RECQL: variants seen among roughly 807,000 people sequenced by gnomAD.
The protein encoded by RECQL is RecQ like helicase.
Under a neutral mutation model 75.8 loss-of-function variants are expected in RECQL, and 73 were observed. That is an observed-to-expected ratio of 0.96 (90% CI 0.80 to 1.17). The LOEUF (loss-of-function observed/expected upper bound fraction) is 1.17, where lower values mean the gene tolerates loss of function less well. RECQL is among the 50% of genes most tolerant of loss of function. The pLI is 0.00. For missense variants in RECQL, 699 were observed against 772.1 expected, an observed-to-expected ratio of 0.91 and a Z score of 1.12; for synonymous variants, 248 against 254.4, an observed-to-expected ratio of 0.97 and a Z score of 0.24.
Position 21,475,773 on chromosome 12 carries a change from A to T in RECQL, c.1001T>A (p.Leu334Ter), listed in dbSNP as rs555369827. ...ACCTGCATGAATTCCCAGATTCTGC[A>T]AACTAACCGTAACTTGTTCAGAGTC... ...QKDSEQVTVS[L>*]QNLGIHAGAY... Residue 334 changes from leucine (L) to a stop codon, truncating the protein, a stop_gained, in exon 9 of 15, where the codon TTG becomes TAG. Transcript: ENST00000444129. LOFTEE classifies it high-confidence loss of function. 1.9e-6 allele frequency: 3 copies of T among 1,613,322 alleles called. No individual in the cohort carries two copies. Among genetic ancestry groups the T allele is most frequent in the Admixed American group, 1.7e-5 (1 of 59,990 alleles).
intron 4 of RECQL, among the ~76,000 whole-genome samples, chr12:21,487,528 A>C (rs1215023292): frequency 6.6e-6 from 1 of 152,238 alleles, no homozygotes; most frequent in Admixed American, 6.5e-5. Flanking sequence ...TTCTTAAAAC[A>C]ACCTTTGGCA....
intron 10 of RECQL, 81 bp downstream of exon 10, chr12:21,475,387 A>G: frequency 1.2e-6 from 1 of 867,176 alleles, no homozygotes; most frequent in Non-Finnish European, 1.8e-6. Context: ...AAGATAAAAC[A>G]TACAGACTTA....
At chr12:21,493,188 C>A (rs1943444460) in intron 2 of RECQL, among the ~76,000 whole-genome samples, 1 of 152,158 alleles carries the variant, frequency 6.6e-6, no homozygotes. Context: ...GCTTTCTGAT[C>A]TGATTAGATT....
chr12:21,484,248 TAGAA>T (rs1456579235), intron 5 of RECQL, among the ~76,000 whole-genome samples: 1 of 152,100 alleles, frequency 6.6e-6, no homozygotes, highest in Non-Finnish European at 1.5e-5. Context: ...GTGAATGAGA[TAGAA>T]AGAGACAGTC....
rs1488554667 is a variant in RECQL at position 21,486,656 on chromosome 12, CGTTTTTTTT to C, written c.395-80_395-72del. The C allele has an allele frequency of 2.9e-4, 46 of 161,186 alleles. 2 individuals are homozygous for C. The highest frequency in any genetic ancestry group is 4.7e-4 in the African/African-American group (7 of 14,968). 10.0% of individuals were successfully genotyped at this position (161,186 alleles called of 1,614,324 possible). On this transcript the variant is annotated intron_variant, in intron 4 of 14. Transcript: ENST00000444129. The stretch of plus-strand genomic sequence containing the variant: ...CTCAGAATCAGATGCAAACCATTCA[CGTTTTTTTT>C]TTTTTTTTTTTTTTTTTTTTTTAGA...
chr12:21,491,577 A>C lies in RECQL; in HGVS notation c.156T>G (p.Asp52Glu), dbSNP rs370372327. ...ATTCATTGCTTGCCCCGGCATCAGA[A>C]TCCTCTAAACACTGCTTTATTTTCT... is the stretch of plus-strand genomic sequence containing the variant. ...LTKKIKQCLEDSDAGASNEYD... is the reference protein window; with the variant it reads ...LTKKIKQCLEESDAGASNEYD... The change falls in exon 3 of 15, where the codon GAT becomes GAG. Residue 52 changes from aspartate to glutamate, a missense_variant. Physicochemically the swap from Asp to Glu is conservative, Grantham distance 45. This residue lies in a region of RECQL where 669 missense variants were observed against 713.5 expected (regional missense o/e 0.94). Transcript: ENST00000444129. 2.0e-5 allele frequency: 33 copies of C among 1,612,968 alleles called. No individual in the cohort carries two copies. The highest frequency in any genetic ancestry group is 2.5e-5 in the Non-Finnish European group (29 of 1,179,864).
chr12:21,483,281 G>A lies in RECQL; in HGVS notation c.700+95C>T, dbSNP rs1943225535. The A allele has an allele frequency of 7.2e-6, 6 of 830,876 alleles. No homozygotes were observed. In the East Asian group the frequency reaches 1.6e-4, roughly 22 times the overall value. The allele number at this position is 830,876 out of a possible 1,614,324, so 51.5% of individuals were successfully genotyped here. A position where few individuals can be genotyped will look rare whatever the true frequency, so the allele number is the denominator to read the frequency against. On this transcript the variant is annotated intron_variant, in intron 6 of 14. Transcript: ENST00000444129. Reference sequence around the variant, plus strand: ...GATATTCAATGTGTAACTACTTGAGGATGATTTTAATAGAAGCAGAGATTT... The same window carrying A: ...GATATTCAATGTGTAACTACTTGAGAATGATTTTAATAGAAGCAGAGATTT...
At chr12:21,499,677 A>T (rs1042442082) in intron 1 of RECQL, 62 bp from the exon 2 acceptor site, 3 of 818,780 alleles carry the variant, frequency 3.7e-6, no homozygotes, top group Non-Finnish European at 6.0e-6. Flanking sequence ...AATGATGTTC[A>T]CTCAACAGTA....
chr12:21,481,484 G>A (rs1244209597), intron 6 of RECQL, among the ~76,000 whole-genome samples: 1 of 152,038 alleles, frequency 6.6e-6, no homozygotes, highest in Non-Finnish European at 1.5e-5. Flanking sequence ...AACCATTTAG[G>A]TTGAAAATAG....
intron 7 of RECQL, 53 bp from the exon 8 acceptor site, chr12:21,477,045 G>T: frequency 1.6e-6 from 2 of 1,279,124 alleles, no homozygotes. Flanking sequence ...CATCCAAGTG[G>T]CTGTCTATGT....
At chr12:21,472,887 A>G (rs1359952985) in intron 12 of RECQL, among the ~76,000 whole-genome samples, 3 of 152,154 alleles carry the variant, frequency 2.0e-5, no homozygotes, top group Non-Finnish European at 4.4e-5. Context: ...AGATTATCAC[A>G]TGGTTTCCCT....
At chr12:21,476,791 C>T (rs1371159333) in intron 8 of RECQL, 120 bp downstream of exon 8, 1 of 515,528 alleles carries the variant, frequency 1.9e-6, no homozygotes, top group African/African-American at 2.0e-5. Context: ...TTTCAAGTAT[C>T]TTCTGCTATA....
intron 1 of RECQL, among the ~76,000 whole-genome samples, chr12:21,499,971 A>G (rs1042780950): frequency 6.6e-6 from 1 of 152,242 alleles, no homozygotes; most frequent in African/African-American, 2.4e-5. Flanking sequence ...CAACAGGTCT[A>G]GCACCAATTG....
chr12:21,476,668 A>T (rs542498034), intron 8 of RECQL, among the ~76,000 whole-genome samples: 1 of 152,288 alleles, frequency 6.6e-6, no homozygotes, highest in African/African-American at 2.4e-5. Flanking sequence ...TCTATTCTAA[A>T]GCAAGTGTAA....
chr12:21,473,413 C>T (rs1387635001), intron 12 of RECQL, 138 bp downstream of exon 12: 2 of 665,470 alleles, frequency 3.0e-6, no homozygotes, highest in African/African-American at 3.6e-5. Context: ...GAGACTATAC[C>T]ATCTAGGTTT....
chr12:21,493,797 G>A (rs1323564535), intron 2 of RECQL, among the ~76,000 whole-genome samples: 2 of 152,106 alleles, frequency 1.3e-5, no homozygotes, highest in East Asian at 1.9e-4. Context: ...AGCCTCCTAA[G>A]AATCAGCCTC....
chr12:21,497,071 C>T (rs1421499611), intron 2 of RECQL, among the ~76,000 whole-genome samples: 1 of 152,188 alleles, frequency 6.6e-6, no homozygotes, highest in Non-Finnish European at 1.5e-5. Flanking sequence ...TTCTGGGTTG[C>T]TCCTGGGTCT....
intron 7 of RECQL, 74 bp from the exon 8 acceptor site, chr12:21,477,066 G>T (rs891990834): frequency 1.0e-6 from 1 of 955,822 alleles, no homozygotes. Context: ...ACAACTTTCA[G>T]GATGCAGTTC....
At chr12:21,473,482 G>C (rs2137327365) in intron 12 of RECQL, 69 bp downstream of exon 12, 1 of 1,182,820 alleles carries the variant, frequency 8.5e-7, no homozygotes, top group East Asian at 2.4e-5. Context: ...GCATTTCTCA[G>C]AACGTATCTC....
Sources: gnomAD v4.1 joint callset for allele counts (sites outside exome capture counted in the v4.1 genomes callset) on GRCh38, gnomAD v4.1.1 for gene constraint, gnomAD v4.1.1 regional missense constraint, MANE v1.5 for transcripts, NCBI Gene and HGNC (gene_info 2026-07-23, HGNC 2026-07-21) for gene names.